MCM2: variants seen among roughly 807,000 people sequenced by gnomAD.
MCM2 encodes the protein DNA replication licensing factor MCM2.
MCM2 carries 49 observed loss-of-function variants against 86.4 expected under a neutral mutation model. The observed-to-expected ratio is 0.57, with a 90% CI of 0.45 to 0.72. The LOEUF (loss-of-function observed/expected upper bound fraction) is 0.72, where lower values mean the gene tolerates loss of function less well. Ranked by LOEUF, MCM2 falls within the 30% of genes least tolerant of loss-of-function variation. MCM2 has a pLI of 0.00. For synonymous variants in MCM2, 475 were observed against 484.6 expected (o/e 0.98, Z 0.26); for missense variants, 1,038 against 1,259.9 (o/e 0.82, Z 2.67).
chr3:127,603,929 G>C (rs1405900285), intron 2 of MCM2, among the ~76,000 whole-genome samples: 1 of 152,106 alleles, frequency 6.6e-6, no homozygotes, highest in Admixed American at 6.5e-5. Context: ...CAAAGTGCTG[G>C]GATTACAGGC....
chr3:127,603,951 T>C (rs933456451), intron 2 of MCM2, among the ~76,000 whole-genome samples: 2 of 152,164 alleles, frequency 1.3e-5, no homozygotes, highest in Non-Finnish European at 2.9e-5. Flanking sequence ...TGAGCCACCG[T>C]GCCCGGCCAT....
At chr3:127,601,921 T>C (rs1183027822) in intron 2 of MCM2, among the ~76,000 whole-genome samples, 1 of 152,192 alleles carries the variant, frequency 6.6e-6, no homozygotes, top group Non-Finnish European at 1.5e-5. Flanking sequence ...TTGAACATCT[T>C]TTCGTATGCT....
chr3:127,616,746 TAG>T, intron 9 of MCM2, 120 bp from the exon 10 acceptor site: 4 of 1,125,124 alleles, frequency 3.6e-6, no homozygotes, highest in Middle Eastern at 3.0e-4. Context: ...TATCCCTTTC[TAG>T]AGGGACTGTG....
chr3:127,600,894 CTT>C (rs1025460406), intron 2 of MCM2, among the ~76,000 whole-genome samples: 3 of 146,464 alleles, frequency 2.0e-5, no homozygotes, highest in East Asian at 2.0e-4. Context: ...AAAAAAAAAA[CTT>C]TATTGGGCTA....
intron 8 of MCM2, among the ~76,000 whole-genome samples, chr3:127,611,943 C>A (rs1199718106): frequency 6.6e-6 from 1 of 151,822 alleles, no homozygotes; most frequent in African/African-American, 2.4e-5. Flanking sequence ...TCGTGATCCG[C>A]CCGCCTCGGC....
At chr3:127,609,066 A>C (rs768216329) in intron 8 of MCM2, 43 bp downstream of exon 8, 3 of 1,596,772 alleles carry the variant, frequency 1.9e-6, no homozygotes, top group Non-Finnish European at 2.6e-6. Flanking sequence ...ATGCTGTGAG[A>C]GGATATGGAG....
Position 127,620,838 on chromosome 3 carries a change from CAT to C in MCM2, c.2408_2409del (p.Ile803ArgfsTer24). The C allele has an allele frequency of 5.0e-6, 8 of 1,613,372 alleles. No individual in the cohort carries two copies. The highest frequency in any genetic ancestry group is 6.8e-6 in the Non-Finnish European group (8 of 1,179,554). On this transcript the variant is annotated frameshift_variant, in exon 14 of 16. Coordinates refer to ENST00000265056, the MANE Select transcript of MCM2 (RefSeq NM_004526.4). LOFTEE classifies it high-confidence loss of function. ...MAIRVMLESF[I>X]DTQKFSVMRS... ...CCATCCGCGTGATGCTGGAGAGCTT[CAT>C]AGACACACAGAAGTTCAGCGTCATG... is the stretch of plus-strand genomic sequence containing the variant.
rs142494006 is a variant in MCM2 at position 127,599,409 on chromosome 3, G to C, written c.98G>C (p.Arg33Pro). 6 of 1,614,092 alleles carry C rather than the reference G, an allele frequency of 3.7e-6. No homozygotes were observed. Among genetic ancestry groups the C allele is most frequent in the Non-Finnish European group, 5.1e-6 (6 of 1,180,018 alleles). ...ACCTCCAGCCCTGGCCGAAGCTCCC[G>C]GCGTACTGATGCCCTCACCTCCAGC... is the stretch of plus-strand genomic sequence containing the variant. ...PLTSSPGRSS[R>P]RTDALTSSPG... The change falls in exon 2 of 16, where the codon CGG becomes CCG. Residue 33 changes from arginine to proline, a missense_variant. By Grantham distance (103) the Arg-to-Pro change is moderately radical. Around this residue, in one of 4 missense-constraint regions of MCM2, gnomAD observed 300 missense variants for 307.4 expected, o/e 0.98. Coordinates refer to ENST00000265056, the MANE Select transcript of MCM2 (RefSeq NM_004526.4).
In MCM2 at chr3:127,617,917, G is replaced by A. The variant is rs2074445685; in HGVS notation, c.1901-52G>A. 4.9e-6 allele frequency: 7 copies of A among 1,419,328 alleles called. No individual in the cohort carries two copies. The highest frequency in any genetic ancestry group is 6.9e-6 in the Non-Finnish European group (7 of 1,015,738). 87.9% of individuals were successfully genotyped at this position (1,419,328 alleles called of 1,614,324 possible). A position where few individuals can be genotyped will look rare whatever the true frequency, so the allele number is the denominator to read the frequency against. ...CATCAGAGCAGCCTGGGGTCCCTGA[G>A]ATGGGAGGATAGGGGAATCCACCCT... On this transcript the variant is annotated intron_variant, in intron 11 of 15. Coordinates refer to ENST00000265056, the MANE Select transcript of MCM2 (RefSeq NM_004526.4). This position sits in a 1 kb window ranked among gnomAD's most constrained non-coding sequence, Gnocchi z 4.1.
chr3:127,610,776 C>T (rs560247603), intron 8 of MCM2: 1 of 456,650 alleles, frequency 2.2e-6, no homozygotes, highest in South Asian at 1.5e-5. Flanking sequence ...TGTCATTGTT[C>T]AGGAAAGCTC....
chr3:127,619,825 T>C (rs965746024), intron 13 of MCM2, among the ~76,000 whole-genome samples: 1 of 151,984 alleles, frequency 6.6e-6, no homozygotes, highest in African/African-American at 2.4e-5. Context: ...ACAAAAAATG[T>C]TTTGAAACTT....
Position 127,618,098 on chromosome 3 carries a change from C to T in MCM2, c.2013+17C>T, listed in dbSNP as rs2074447267. 6 of 1,601,470 alleles carry T rather than the reference C, an allele frequency of 3.7e-6. No homozygotes were observed. Among genetic ancestry groups the T allele is most frequent in the Non-Finnish European group, 4.3e-6 (5 of 1,169,410 alleles). ...CCAGTCCAGGTATAGCTCACATGTG[C>T]CCGGTTTCCATGAACTGTGGTTTGG... On this transcript the variant is annotated intron_variant, in intron 12 of 15. Transcript: ENST00000265056. This position sits in a 1 kb window ranked among gnomAD's most constrained non-coding sequence, Gnocchi z 4.0.
chr3:127,605,138 A>C lies in MCM2; in HGVS notation c.655A>C (p.Ile219Leu), dbSNP rs1346465063. The change falls in exon 4 of 16, where the codon ATC becomes CTC. Residue 219 changes from isoleucine to leucine, a missense_variant. By Grantham distance (5) the Ile-to-Leu change is conservative. Transcript: ENST00000265056. ...SHGHNVFKER[I>L]SDMCKENRES... Reference sequence around the variant, plus strand: ...CGGCCACAACGTCTTCAAGGAGCGCATCAGCGACATGTGCAAAGGTGTGGC... The same window carrying C: ...CGGCCACAACGTCTTCAAGGAGCGCCTCAGCGACATGTGCAAAGGTGTGGC... 1 of 1,614,064 alleles carries C rather than the reference A, an allele frequency of 6.2e-7. No homozygotes were observed. The highest frequency in any genetic ancestry group is 8.5e-7 in the Non-Finnish European group (1 of 1,179,954).
At chr3:127,621,269 C>G (rs2074476961) in intron 15 of MCM2, 41 bp downstream of exon 15, 2 of 1,607,866 alleles carry the variant, frequency 1.2e-6, no homozygotes, top group South Asian at 2.2e-5. Flanking sequence ...GGTATGCTGA[C>G]TTGGGAGCTG....
chr3:127,605,632 G>T (rs1002450207), intron 4 of MCM2, among the ~76,000 whole-genome samples: 1 of 151,600 alleles, frequency 6.6e-6, no homozygotes, highest in Admixed American at 6.6e-5. Flanking sequence ...TAGAGAAGGG[G>T]TTTCTCCATG....
chr3:127,605,835 G>T (rs1193523186), intron 4 of MCM2, among the ~76,000 whole-genome samples: 1 of 152,284 alleles, frequency 6.6e-6, no homozygotes, highest in Non-Finnish European at 1.5e-5. Context: ...CCTGGCTCTT[G>T]TAAGGCGTTT....
chr3:127,617,192 G>A lies in MCM2; in HGVS notation c.1773+74G>A, dbSNP rs1310188690. On this transcript the variant is annotated intron_variant, in intron 10 of 15. Transcript: ENST00000265056. This position sits in a 1 kb window ranked among gnomAD's most constrained non-coding sequence, Gnocchi z 4.1. The stretch of plus-strand genomic sequence containing the variant: ...GGCTTGGGCCTTAGCGACGGGAATG[G>A]TGTTAATGGGGTCCATTGGGACCTC... 4.4e-6 allele frequency: 7 copies of A among 1,605,408 alleles called. No individual in the cohort carries two copies. The highest frequency in any genetic ancestry group is 1.7e-5 in the Admixed American group (1 of 59,680).
intron 14 of MCM2, 50 bp downstream of exon 14, chr3:127,620,930 G>A (rs775091187): frequency 2.5e-6 from 4 of 1,572,968 alleles, no homozygotes; most frequent in Non-Finnish European, 2.6e-6. Context: ...AGTGAAGGAG[G>A]CCACACGTGG....
At chr3:127,614,331 T>G (rs2074418830) in intron 8 of MCM2, among the ~76,000 whole-genome samples, 1 of 148,090 alleles carries the variant, frequency 6.8e-6, no homozygotes, top group South Asian at 2.2e-4. Flanking sequence ...TTCCTTAATA[T>G]CCAATATTCT....
Sources: allele counts gnomAD v4.1 joint callset (sites outside exome capture counted in the v4.1 genomes callset), GRCh38; gene constraint gnomAD v4.1.1; regional missense constraint gnomAD v4.1.1; non-coding constraint Gnocchi (gnomAD v3.1); transcripts MANE v1.5; gene names NCBI Gene and HGNC (gene_info 2026-07-23, HGNC 2026-07-21).